Variants in ARHGAP8 observed in about 807,000 individuals in gnomAD.
The protein encoded by ARHGAP8 is rho GTPase-activating protein 8.
ARHGAP8 carries 62 observed loss-of-function variants against 46.1 expected under a neutral mutation model. The observed-to-expected ratio is 1.34, with a 90% CI of 1.10 to 1.66. ARHGAP8 has a LOEUF of 1.66. ARHGAP8 is among the 40% of genes most tolerant of loss of function. The pLI, the probability that ARHGAP8 is intolerant of heterozygous loss-of-function variation, is 0.00. For missense variants in ARHGAP8, 923 were observed against 568.4 expected (o/e 1.62, Z -6.34); for synonymous variants, 375 against 243.1 (o/e 1.54, Z -5.05).
chr22:44,825,405 C>T (rs1930436191), intron 6 of ARHGAP8, 78 bp from the exon 7 acceptor site: 1 of 1,493,876 alleles, frequency 6.7e-7, no homozygotes, highest in Non-Finnish European at 9.0e-7. Flanking sequence ...GCAGGTGGGG[C>T]ATCCAGCCCC....
chr22:44,780,396 C>T (rs535262987), intron 1 of ARHGAP8, among the ~76,000 whole-genome samples: 19 of 152,058 alleles, frequency 1.2e-4, no homozygotes, highest in African/African-American at 4.1e-4. Context: ...CACAGTGGCT[C>T]ATGCCTGTAA....
intron 1 of ARHGAP8, among the ~76,000 whole-genome samples, chr22:44,771,167 T>C (rs2147011445): frequency 6.6e-6 from 1 of 152,336 alleles, no homozygotes; most frequent in African/African-American, 2.4e-5. Context: ...TTGCTAATTT[T>C]GTTTATTGGT....
chr22:44,854,024 CAAAAAAAAAAAAAAAAAAAAAAAAA>C (rs71315119), intron 10 of ARHGAP8, among the ~76,000 whole-genome samples: 10 of 43,284 alleles, frequency 2.3e-4, no homozygotes, highest in South Asian at 2.6e-3. Context: ...GACTCTGTCT[CAAAAAAAAAAAAAAAAAAAAAAAAA>C]AAAAAAAAAA....
intron 7 of ARHGAP8, among the ~76,000 whole-genome samples, chr22:44,842,330 C>G (rs529771228): frequency 7.9e-5 from 12 of 152,244 alleles, no homozygotes; most frequent in African/African-American, 2.9e-4. Context: ...GCACTCCAGC[C>G]TGGGGGACAG....
chr22:44,774,091 G>C (rs1926240532), intron 1 of ARHGAP8, among the ~76,000 whole-genome samples: 1 of 152,168 alleles, frequency 6.6e-6, no homozygotes, highest in African/African-American at 2.4e-5. Context: ...GGTGCCAAAG[G>C]CTCTCCAGGT....
chr22:44,826,587 G>A (rs1390731365), intron 7 of ARHGAP8, among the ~76,000 whole-genome samples: 3 of 152,020 alleles, frequency 2.0e-5, no homozygotes, highest in African/African-American at 7.3e-5. Context: ...ACCACGCCTG[G>A]CTAATTTTTT....
chr22:44,755,716 G>A (rs565455857), intron 1 of ARHGAP8, among the ~76,000 whole-genome samples: 3 of 152,292 alleles, frequency 2.0e-5, no homozygotes, highest in South Asian at 2.1e-4. Flanking sequence ...AGGTCTTTGG[G>A]CCCCCATTTT....
chr22:44,812,559 G>C (rs1929415714), intron 4 of ARHGAP8, among the ~76,000 whole-genome samples: 1 of 151,908 alleles, frequency 6.6e-6, no homozygotes, highest in Non-Finnish European at 1.5e-5. Context: ...TTTTCACCAT[G>C]TTGGCCAGGA....
chr22:44,775,852 T>G (rs1232911767), intron 1 of ARHGAP8, among the ~76,000 whole-genome samples: 1 of 152,200 alleles, frequency 6.6e-6, no homozygotes, highest in Admixed American at 6.5e-5. Flanking sequence ...CTACTTAGCA[T>G]TCTGGAAAAA....
rs775924425 is a variant in ARHGAP8 at position 44,862,612 on chromosome 22, TA to T, written c.*18del. 109 of 1,032,156 alleles carry T rather than the reference TA, an allele frequency of 1.1e-4. No homozygotes were observed. Among genetic ancestry groups the T allele is most frequent in the Non-Finnish European group, 1.3e-4 (103 of 799,540 alleles). The allele number at this position is 1,032,156 out of a possible 1,614,324, so 63.9% of individuals were successfully genotyped here. On this transcript the variant is annotated 3_prime_UTR_variant, in exon 12 of 12. Coordinates refer to ENST00000356099, the MANE Select transcript of ARHGAP8 (RefSeq NM_181335.3). ...CGTCTCTAGTGTTGCGAACACTCTGTATATTTCGAGCTACCTCCCACACCTG... is the reference window on the plus strand; with the variant it reads ...CGTCTCTAGTGTTGCGAACACTCTGTTATTTCGAGCTACCTCCCACACCTG...
At chr22:44,830,691 C>T (rs1438186854) in intron 7 of ARHGAP8, among the ~76,000 whole-genome samples, 1 of 151,962 alleles carries the variant, frequency 6.6e-6, no homozygotes, top group Non-Finnish European at 1.5e-5. Context: ...TATGTGCCAC[C>T]ATGCCCAACT....
chr22:44,843,488 A>T (rs1931780696), intron 7 of ARHGAP8, among the ~76,000 whole-genome samples: 1 of 152,224 alleles, frequency 6.6e-6, no homozygotes, highest in South Asian at 2.1e-4. Context: ...AAAATAATAA[A>T]GTAGTATGAG....
chr22:44,756,544 C>G (rs1471555180), intron 1 of ARHGAP8, among the ~76,000 whole-genome samples: 1 of 151,544 alleles, frequency 6.6e-6, no homozygotes, highest in African/African-American at 2.4e-5. Flanking sequence ...CTATAGCCAC[C>G]CTGCAGCCAA....
intron 1 of ARHGAP8, among the ~76,000 whole-genome samples, chr22:44,764,459 G>A (rs1010114497): frequency 1.3e-5 from 2 of 152,172 alleles, no homozygotes; most frequent in South Asian, 2.1e-4. Flanking sequence ...GCGGTGGTCC[G>A]GGGTGGTGGC....
intron 1 of ARHGAP8, among the ~76,000 whole-genome samples, chr22:44,754,605 C>G (rs1459296222): frequency 6.6e-6 from 1 of 152,042 alleles, no homozygotes; most frequent in Non-Finnish European, 1.5e-5. Context: ...ATTTGTCTGC[C>G]TTGGCCTTCC....
intron 7 of ARHGAP8, among the ~76,000 whole-genome samples, chr22:44,836,070 T>C (rs1256034294): frequency 2.0e-5 from 3 of 152,110 alleles, no homozygotes; most frequent in Non-Finnish European, 2.9e-5. Flanking sequence ...TCACTAAGGA[T>C]ACCAAGCAGT....
At chr22:44,757,828 A>AT (rs1221307090) in intron 1 of ARHGAP8, among the ~76,000 whole-genome samples, 1 of 86,916 alleles carries the variant, frequency 1.2e-5, no homozygotes, top group Non-Finnish European at 2.4e-5. Context: ...TTTTTTTTGT[A>AT]TTTTTAGTAG....
chr22:44,851,345 A>T (rs930587700), intron 10 of ARHGAP8, among the ~76,000 whole-genome samples: 2 of 152,336 alleles, frequency 1.3e-5, no homozygotes, highest in Non-Finnish European at 2.9e-5. Flanking sequence ...CGAGAAAAGC[A>T]TGCCAGTTTA....
At chr22:44,854,024 CAAAAAAAAAAAAAAAAAAAAAA>C (rs71315119) in intron 10 of ARHGAP8, among the ~76,000 whole-genome samples, 7 of 43,280 alleles carry the variant, frequency 1.6e-4, no homozygotes, top group African/African-American at 5.4e-4. Context: ...GACTCTGTCT[CAAAAAAAAAAAAAAAAAAAAAA>C]AAAAAAAAAA....
Sources: gnomAD v4.1 joint callset for allele counts (sites outside exome capture counted in the v4.1 genomes callset) on GRCh38, gnomAD v4.1.1 for gene constraint, MANE v1.5 for transcripts, NCBI Gene and HGNC (gene_info 2026-07-23, HGNC 2026-07-21) for gene names.